The following ITGA2 variants were observed in gnomAD, a reference collection of about 807,000 sequenced individuals.
The protein encoded by ITGA2 is integrin subunit alpha 2.
A neutral mutation model predicts 146.3 loss-of-function variants in ITGA2; 101 were observed. That is an observed-to-expected ratio of 0.69 (90% CI 0.59 to 0.81). ITGA2 has a LOEUF of 0.81. ITGA2 is among the 40% of genes least tolerant of loss of function. The pLI is 0.00. For missense variants in ITGA2, 1,281 were observed against 1,402.7 expected (o/e 0.91, Z 1.39); for synonymous variants, 477 against 487.1 (o/e 0.98, Z 0.27).
chr5:53,065,799 G>A, intron 14 of ITGA2, 42 bp from the exon 15 acceptor site: 1 of 1,610,922 alleles, frequency 6.2e-7, no homozygotes, highest in African/African-American at 1.3e-5. Context: ...TTCTGGTTCA[G>A]CTGTTGTGTA....
At chr5:53,048,839 G>C (rs1744216213) in intron 6 of ITGA2, 69 bp downstream of exon 6, 4 of 1,548,682 alleles carry the variant, frequency 2.6e-6, no homozygotes, top group Non-Finnish European at 3.5e-6. Context: ...TAGCTATGAA[G>C]TCTTAATTTT....
At position 53,065,013 on chromosome 5, in the gene ITGA2, C is replaced by A. The variant is rs953472340; in HGVS notation, c.1704C>A (p.Gly568=). 6.2e-7 allele frequency: 1 copy of A among 1,612,878 alleles called. No homozygotes were observed. The highest frequency in any genetic ancestry group is 8.5e-7 in the Non-Finnish European group (1 of 1,179,208). ...IAALSDINMD[G]FNDVIVGSPL... is the part of the protein sequence containing the mutation. ...CTCTTTCAGACATCAACATGGATGG[C>A]TTTAATGATGTGATTGTTGGTTCAC... The change falls in exon 14 of 30, where the codon GGC becomes GGA. Residue 568 remains glycine, a synonymous_variant. Transcript: ENST00000296585.
intron 7 of ITGA2, among the ~76,000 whole-genome samples, chr5:53,053,243 GT>G (rs765154824): frequency 7.2e-5 from 11 of 152,016 alleles, no homozygotes; most frequent in Non-Finnish European, 1.2e-4. Context: ...CCGTCAACTG[GT>G]GACAATCCCA....
At chr5:53,039,066 C>G (rs1407897877) in intron 2 of ITGA2, among the ~76,000 whole-genome samples, 2 of 152,142 alleles carry the variant, frequency 1.3e-5, no homozygotes, top group Non-Finnish European at 2.9e-5. Flanking sequence ...GCACTCCAGC[C>G]TGAGTGACAA....
chr5:53,016,344 G>A (rs1742399366), intron 1 of ITGA2, among the ~76,000 whole-genome samples: 1 of 152,114 alleles, frequency 6.6e-6, no homozygotes, highest in Non-Finnish European at 1.5e-5. Context: ...CACTTATGAA[G>A]CTTAATTTGG....
intron 23 of ITGA2, among the ~76,000 whole-genome samples, chr5:53,076,800 C>A (rs963107996): frequency 6.6e-6 from 1 of 151,936 alleles, no homozygotes; most frequent in African/African-American, 2.4e-5. Context: ...CAAATGTATT[C>A]TAATGTTCTT....
chr5:53,092,925 T>A lies in ITGA2; in HGVS notation c.*2326T>A, dbSNP rs1349621113. On this transcript the variant is annotated 3_prime_UTR_variant, in exon 30 of 30. Transcript: ENST00000296585. ...GAGTTTGAGACTAGCCTGGCCAACA[T>A]GGTGAAACCCCATCTCTAATAATAT... 1 of 148,908 alleles carries A rather than the reference T, an allele frequency of 6.7e-6. No homozygotes were observed. Among genetic ancestry groups the A allele is most frequent in the Non-Finnish European group, 1.5e-5 (1 of 67,338 alleles). 9.2% of individuals were successfully genotyped at this position (148,908 alleles called of 1,614,324 possible).
chr5:53,016,556 A>G (rs1261766425), intron 1 of ITGA2, among the ~76,000 whole-genome samples: 2 of 152,050 alleles, frequency 1.3e-5, no homozygotes, highest in Non-Finnish European at 2.9e-5. Flanking sequence ...TCCGATGACT[A>G]TGTGTTTTGG....
At chr5:53,063,386 AGTTT>A (rs1393705431) in intron 13 of ITGA2, among the ~76,000 whole-genome samples, 5 of 151,882 alleles carry the variant, frequency 3.3e-5, no homozygotes, top group Non-Finnish European at 7.4e-5. Flanking sequence ...TTCCTACATT[AGTTT>A]GTCAGGAAGT....
Position 53,067,170 on chromosome 5 carries a change from A to G in ITGA2, c.1996A>G (p.Ile666Val). Reference protein sequence around the residue: ...AIEASFTPEKITLVNKNAQII... With the variant: ...AIEASFTPEKVTLVNKNAQII... ...AGAAGCTTCATTCACACCAGAAAAA[A>G]TCACTTTGGTCAACAAGAATGCTCA... Residue 666 changes from isoleucine to valine, a missense_variant, in exon 16 of 30, where the codon ATC (isoleucine) becomes GTC (valine). Physicochemically the swap from Ile to Val is conservative, Grantham distance 29. Transcript: ENST00000296585. The G allele has an allele frequency of 1.2e-6, 2 of 1,611,586 alleles. No individual in the cohort carries two copies. The highest frequency in any genetic ancestry group is 1.7e-6 in the Non-Finnish European group (2 of 1,178,730).
chr5:53,052,684 A>T (rs1744432938), intron 7 of ITGA2, among the ~76,000 whole-genome samples: 1 of 151,986 alleles, frequency 6.6e-6, no homozygotes, highest in African/African-American at 2.4e-5. Context: ...GCTCCTCTGA[A>T]CATTTGATAA....
intron 13 of ITGA2, 93 bp from the exon 14 acceptor site, chr5:53,064,819 A>T: frequency 8.3e-7 from 1 of 1,207,276 alleles, no homozygotes; most frequent in Non-Finnish European, 1.2e-6. Flanking sequence ...CTTTGGGATT[A>T]CAGGCATGAG....
Position 53,026,822 on chromosome 5 carries a change from C to G in ITGA2, c.139C>G (p.Gln47Glu). The G allele has an allele frequency of 6.2e-7, 1 of 1,613,418 alleles. No homozygotes were observed. The change falls in exon 2 of 30, where the codon CAG becomes GAG. Residue 47 changes from glutamine to glutamate, a missense_variant. By Grantham distance (29) the Gln-to-Glu change is conservative. Transcript: ENST00000296585. ...AKIFSGPSSE[Q>E]FGYAVQQFIN... is the part of the protein sequence containing the mutation. Reference sequence around the variant, plus strand: ...AATATTTTCCGGTCCTTCAAGTGAACAGTTTGGCTATGCAGTGCAGCAGTT... The same window carrying G: ...AATATTTTCCGGTCCTTCAAGTGAAGAGTTTGGCTATGCAGTGCAGCAGTT...
chr5:52,992,493 C>T (rs1227414192), intron 1 of ITGA2, among the ~76,000 whole-genome samples: 1 of 152,132 alleles, frequency 6.6e-6, no homozygotes, highest in East Asian at 1.9e-4. Flanking sequence ...GAATTTTCTC[C>T]TCTATTGGCT....
At chr5:53,060,843 T>A in intron 11 of ITGA2, 58 bp from the exon 12 acceptor site, 1 of 1,546,858 alleles carries the variant, frequency 6.5e-7, no homozygotes, top group South Asian at 1.1e-5. Context: ...TCACTTCTTT[T>A]AACTTTATTT....
chr5:53,046,767 A>G (rs1744113053), intron 4 of ITGA2, among the ~76,000 whole-genome samples: 1 of 152,082 alleles, frequency 6.6e-6, no homozygotes, highest in African/African-American at 2.4e-5. Flanking sequence ...AAATCATAAG[A>G]TACTCTTAAG....
chr5:53,045,137 A>G lies in ITGA2; in HGVS notation c.387+45A>G, dbSNP rs758210758. ...ATCATTATTCCTCTCAAGAAAGTAC[A>G]TAGACAGTAGTGTCTTCTCACCATC... is the stretch of plus-strand genomic sequence containing the variant. On this transcript the variant is annotated intron_variant, in intron 4 of 29. Transcript: ENST00000296585. The G allele has an allele frequency of 3.0e-5, 42 of 1,410,022 alleles. No individual in the cohort carries two copies. The Admixed American group carries it at 4.7e-4, about 16-fold the overall frequency. The allele number at this position is 1,410,022 out of a possible 1,614,324, so 87.3% of individuals were successfully genotyped here.
intron 1 of ITGA2, among the ~76,000 whole-genome samples, chr5:53,018,425 C>T (rs894611235): frequency 3.3e-5 from 5 of 152,058 alleles, no homozygotes; most frequent in Non-Finnish European, 1.5e-5. Context: ...TCAACTGACC[C>T]CAGAAGTTGC....
At chr5:53,038,087 A>G (rs1224217804) in intron 2 of ITGA2, among the ~76,000 whole-genome samples, 1 of 152,116 alleles carries the variant, frequency 6.6e-6, no homozygotes, top group African/African-American at 2.4e-5. Flanking sequence ...ATTCTTAGAA[A>G]AGGTGGTAGG....
Sources: gnomAD v4.1 joint callset for allele counts (sites outside exome capture counted in the v4.1 genomes callset) on GRCh38, gnomAD v4.1.1 for gene constraint, MANE v1.5 for transcripts, NCBI Gene and HGNC (gene_info 2026-07-23, HGNC 2026-07-21) for gene names.